BHLHE40: variants seen among roughly 807,000 people sequenced by gnomAD.
BHLHE40 encodes the protein basic helix-loop-helix family member e40.
In BHLHE40, 3 loss-of-function variants were observed where a neutral mutation model predicts 35.7. The ratio of observed to expected loss-of-function variants is 0.08; its 90% CI spans 0.04 to 0.22. The LOEUF is 0.22. BHLHE40 is among the 10% of genes least tolerant of loss of function. The pLI is 1.00. For synonymous variants in BHLHE40, 236 were observed against 213.0 expected (o/e 1.11, Z -0.94); for missense variants, 486 against 524.0 (o/e 0.93, Z 0.71).
At position 4,984,030 on chromosome 3, in the gene BHLHE40, G is replaced by A. The variant is rs755020662; in HGVS notation, c.*338G>A. 13 of 234,426 alleles carry A rather than the reference G, an allele frequency of 5.5e-5. No individual in the cohort carries two copies. Among genetic ancestry groups the A allele is most frequent in the Non-Finnish European group, 9.1e-5 (11 of 120,396 alleles). 14.5% of individuals were successfully genotyped at this position (234,426 alleles called of 1,614,324 possible). A position where few individuals can be genotyped will look rare whatever the true frequency, so the allele number is the denominator to read the frequency against. ...AGCCCCCTTCGATACACATCAGCTG[G>A]ATTTTCAAAAGCTTCAAAGTCTTGG... On this transcript the variant is annotated 3_prime_UTR_variant, in exon 5 of 5. Coordinates refer to ENST00000256495, the MANE Select transcript of BHLHE40 (RefSeq NM_003670.3).
Position 4,982,975 on chromosome 3 carries a change from C to T in BHLHE40, c.522C>T (p.His174=), listed in dbSNP as rs765940624. ...TGAAGTCTTCGCAGCTTGTCACCCA[C>T]CTCCACCGGGTGGTCTCGGAGCTGC... ...RDLKSSQLVT[H]LHRVVSELLQ... Residue 174 remains histidine (H), a synonymous_variant, in exon 5 of 5, where the codon CAC becomes CAT. Coordinates refer to ENST00000256495, the MANE Select transcript of BHLHE40 (RefSeq NM_003670.3). 1.2e-6 allele frequency: 2 copies of T among 1,613,284 alleles called. No individual in the cohort carries two copies. Among genetic ancestry groups the T allele is most frequent in the East Asian group, 2.2e-5 (1 of 44,864 alleles).
chr3:4,983,626 C>G lies in BHLHE40; in HGVS notation c.1173C>G (p.Val391=). 1.2e-6 allele frequency: 2 copies of G among 1,614,156 alleles called. No individual in the cohort carries two copies. The highest frequency in any genetic ancestry group is 1.7e-6 in the Non-Finnish European group (2 of 1,180,032). ...CTCCCTTGCCAGCTCATCCGTCCGTCGACTCTTCTGTCTTGCTCCAAGCTC... is the reference window on the plus strand; with the variant it reads ...CTCCCTTGCCAGCTCATCCGTCCGTGGACTCTTCTGTCTTGCTCCAAGCTC... The part of the protein sequence containing the change: ...LPSPLPAHPS[V]DSSVLLQALK... The change falls in exon 5 of 5, where the codon GTC becomes GTG. Residue 391 remains valine, a synonymous_variant. Coordinates refer to ENST00000256495, the MANE Select transcript of BHLHE40 (RefSeq NM_003670.3). This position sits in a 1 kb window ranked among gnomAD's most constrained non-coding sequence, Gnocchi z 5.0.
intron 1 of BHLHE40, 22 bp downstream of exon 1, chr3:4,979,820 C>T (rs781455472): frequency 2.5e-6 from 4 of 1,588,904 alleles, no homozygotes; most frequent in Admixed American, 1.8e-5. Flanking sequence ...CTCCTTGGCC[C>T]TTCAAGCCTC....
chr3:4,982,981 C>T lies in BHLHE40; in HGVS notation c.528C>T (p.His176=), dbSNP rs2106498024. The part of the protein sequence containing the change: ...LKSSQLVTHL[H]RVVSELLQGG... ...CTTCGCAGCTTGTCACCCACCTCCACCGGGTGGTCTCGGAGCTGCTGCAGG... is the reference window on the plus strand; with the variant it reads ...CTTCGCAGCTTGTCACCCACCTCCATCGGGTGGTCTCGGAGCTGCTGCAGG... Residue 176 remains histidine, a synonymous_variant, in exon 5 of 5, where the codon CAC becomes CAT. Transcript: ENST00000256495. 2 of 1,613,180 alleles carry T rather than the reference C, an allele frequency of 1.2e-6. No homozygotes were observed. The highest frequency in any genetic ancestry group is 4.5e-5 in the East Asian group (2 of 44,870).
intron 2 of BHLHE40, 116 bp downstream of exon 2, chr3:4,980,147 C>T: frequency 8.3e-7 from 1 of 1,201,760 alleles, no homozygotes; most frequent in Non-Finnish European, 1.2e-6. Context: ...GGCTCGGTGC[C>T]TCTTCTGAGT....
Position 4,979,630 on chromosome 3 carries a change from A to G in BHLHE40, c.-89A>G. The G allele has an allele frequency of 7.5e-7, 1 of 1,325,228 alleles. No homozygotes were observed. Among genetic ancestry groups the G allele is most frequent in the East Asian group, 2.5e-5 (1 of 39,662 alleles). The allele number at this position is 1,325,228 out of a possible 1,614,324, so 82.1% of individuals were successfully genotyped here. On this transcript the variant is annotated 5_prime_UTR_variant, in exon 1 of 5. Transcript: ENST00000256495. ...CAGACTCAGAGGAACATCTGCGGAG[A>G]GACCCCCGAAGCCCTCTCCAGGGCA...
intron 4 of BHLHE40, among the ~76,000 whole-genome samples, chr3:4,982,543 A>G (rs999777070): frequency 1.3e-5 from 2 of 152,164 alleles, no homozygotes; most frequent in South Asian, 2.1e-4. Context: ...ATACAATCCA[A>G]AAGAGGGGAA....
chr3:4,979,688 G>A lies in BHLHE40; in HGVS notation c.-31G>A. ...TCCAGACGCTCCGCTAGTGCAGACA[G>A]GAGCGCGCAGTGGCCCCGGCTCGCC... On this transcript the variant is annotated 5_prime_UTR_variant, in exon 1 of 5. Transcript: ENST00000256495. The A allele has an allele frequency of 2.6e-6, 4 of 1,549,834 alleles. No homozygotes were observed. Among genetic ancestry groups the A allele is most frequent in the Non-Finnish European group, 3.5e-6 (4 of 1,146,602 alleles).
intron 1 of BHLHE40, 35 bp downstream of exon 1, chr3:4,979,833 C>T: frequency 6.3e-7 from 1 of 1,592,968 alleles, no homozygotes; most frequent in Non-Finnish European, 8.6e-7. Context: ...CAAGCCTCAA[C>T]TGCAGCCCCA....
rs1457809283 is a variant in BHLHE40 at position 4,985,043 on chromosome 3, T to TC, written c.*1352dup. 6.6e-6 allele frequency: 1 copy of TC among 152,524 alleles called. No homozygotes were observed. 9.4% of individuals were successfully genotyped at this position (152,524 alleles called of 1,614,324 possible). A position where few individuals can be genotyped will look rare whatever the true frequency, so the allele number is the denominator to read the frequency against. On this transcript the variant is annotated 3_prime_UTR_variant, in exon 5 of 5. Transcript: ENST00000256495. ...TTGAAGAGAAGAATAATTTTTTTTT[T>TC]CTCTAGGGAGAGGTACAGTGTTTAT...
In BHLHE40 at chr3:4,979,644, C is replaced by T. The variant is rs1408348747; in HGVS notation, c.-75C>T. On this transcript the variant is annotated 5_prime_UTR_variant, in exon 1 of 5. Coordinates refer to ENST00000256495, the MANE Select transcript of BHLHE40 (RefSeq NM_003670.3). Reference sequence around the variant, plus strand: ...CATCTGCGGAGAGACCCCCGAAGCCCTCTCCAGGGCAGTCCTCATCCAGAC... The same window carrying T: ...CATCTGCGGAGAGACCCCCGAAGCCTTCTCCAGGGCAGTCCTCATCCAGAC... 4.7e-6 allele frequency: 7 copies of T among 1,481,418 alleles called. No homozygotes were observed. Among genetic ancestry groups the T allele is most frequent in the Non-Finnish European group, 6.4e-6 (7 of 1,090,628 alleles). The allele number at this position is 1,481,418 out of a possible 1,614,324, so 91.8% of individuals were successfully genotyped here.
Position 4,983,040 on chromosome 3 carries a change from C to A in BHLHE40, c.587C>A (p.Pro196His). The part of the protein sequence containing the change: ...GTSRKPSDPA[P>H]KVMDFKEKPS... ...TCCAGGAAGCCATCAGACCCAGCTCCCAAAGTGATGGACTTCAAGGAAAAA... is the reference window on the plus strand; with the variant it reads ...TCCAGGAAGCCATCAGACCCAGCTCACAAAGTGATGGACTTCAAGGAAAAA... The change falls in exon 5 of 5, where the codon CCC becomes CAC. Residue 196 changes from proline to histidine, a missense_variant. By Grantham distance (77) the Pro-to-His change is moderately conservative. Transcript: ENST00000256495. This position sits in a 1 kb window ranked among gnomAD's most constrained non-coding sequence, Gnocchi z 5.0. The A allele has an allele frequency of 6.2e-7, 1 of 1,614,112 alleles. No individual in the cohort carries two copies. The highest frequency in any genetic ancestry group is 8.5e-7 in the Non-Finnish European group (1 of 1,180,004).
chr3:4,980,234 G>C, intron 2 of BHLHE40, 67 bp from the exon 3 acceptor site: 2 of 1,397,862 alleles, frequency 1.4e-6, no homozygotes, highest in Non-Finnish European at 2.0e-6. Context: ...CTGTTGCTGC[G>C]GGGCTGGGAG....
intron 2 of BHLHE40, 86 bp downstream of exon 2, chr3:4,980,117 G>A: frequency 7.0e-7 from 1 of 1,438,152 alleles, no homozygotes; most frequent in South Asian, 1.2e-5. Flanking sequence ...TTTGAGGTTG[G>A]CGAGGGGATG....
Position 4,979,642 on chromosome 3 carries a change from C to A in BHLHE40, c.-77C>A. 1 of 1,440,322 alleles carries A rather than the reference C, an allele frequency of 6.9e-7. No homozygotes were observed. Among genetic ancestry groups the A allele is most frequent in the Non-Finnish European group, 9.5e-7 (1 of 1,053,618 alleles). The allele number at this position is 1,440,322 out of a possible 1,614,324, so 89.2% of individuals were successfully genotyped here. ...AACATCTGCGGAGAGACCCCCGAAGCCCTCTCCAGGGCAGTCCTCATCCAG... is the reference window on the plus strand; with the variant it reads ...AACATCTGCGGAGAGACCCCCGAAGACCTCTCCAGGGCAGTCCTCATCCAG... On this transcript the variant is annotated 5_prime_UTR_variant, in exon 1 of 5. Coordinates refer to ENST00000256495, the MANE Select transcript of BHLHE40 (RefSeq NM_003670.3).
At position 4,983,535 on chromosome 3, in the gene BHLHE40, C is replaced by T; in HGVS notation, c.1082C>T (p.Ala361Val). 6.2e-7 allele frequency: 1 copy of T among 1,614,216 alleles called. No homozygotes were observed. The highest frequency in any genetic ancestry group is 8.5e-7 in the Non-Finnish European group (1 of 1,180,044). Reference sequence around the variant, plus strand: ...CCAGGCCTCAACGCCTCTGCCGCAGCCCTCTCTAGCTTCATGAACCCAGAC... The same window carrying T: ...CCAGGCCTCAACGCCTCTGCCGCAGTCCTCTCTAGCTTCATGAACCCAGAC... The part of the protein sequence containing the change: ...LYPGLNASAA[A>V]LSSFMNPDKI... Residue 361 changes from alanine (A) to valine (V), a missense_variant, in exon 5 of 5, where the codon GCC becomes GTC. Around this residue, in one of 5 missense-constraint regions of BHLHE40, gnomAD observed 206 missense variants for 208.9 expected, o/e 0.99. Coordinates refer to ENST00000256495, the MANE Select transcript of BHLHE40 (RefSeq NM_003670.3). The surrounding 1 kb of genome is among the most constrained non-coding windows in gnomAD (Gnocchi z 5.0).
At position 4,983,993 on chromosome 3, in the gene BHLHE40, C is replaced by T; in HGVS notation, c.*301C>T. Reference sequence around the variant, plus strand: ...TGTAGCAGACGTCTGGGCTTTTCCCCACCCAGAGAATAGCCCCCTTCGATA... The same window carrying T: ...TGTAGCAGACGTCTGGGCTTTTCCCTACCCAGAGAATAGCCCCCTTCGATA... On this transcript the variant is annotated 3_prime_UTR_variant, in exon 5 of 5. Coordinates refer to ENST00000256495, the MANE Select transcript of BHLHE40 (RefSeq NM_003670.3). This position sits in a 1 kb window ranked among gnomAD's most constrained non-coding sequence, Gnocchi z 5.0. The T allele has an allele frequency of 2.8e-6, 1 of 362,132 alleles. No homozygotes were observed. 22.4% of individuals were successfully genotyped at this position (362,132 alleles called of 1,614,324 possible).
Position 4,980,325 on chromosome 3 carries a change from CTCATCGAGA to C in BHLHE40, c.176_184del (p.Leu59_Lys62delinsGln). 1 of 1,614,156 alleles carries C rather than the reference CTCATCGAGA, an allele frequency of 6.2e-7. No individual in the cohort carries two copies. Among genetic ancestry groups the C allele is most frequent in the Non-Finnish European group, 8.5e-7 (1 of 1,180,002 alleles). The stretch of plus-strand genomic sequence containing the variant: ...GGAGACCTACAAATTGCCGCACCGG[CTCATCGAGA>C]AAAAGAGACGTGACCGGATTAACGA... On this transcript the variant is annotated inframe_deletion, in exon 3 of 5. Transcript: ENST00000256495.
At position 4,983,648 on chromosome 3, in the gene BHLHE40, G is replaced by T; in HGVS notation, c.1195G>T (p.Ala399Ser). 1.2e-6 allele frequency: 2 copies of T among 1,613,730 alleles called. No individual in the cohort carries two copies. The highest frequency in any genetic ancestry group is 1.7e-6 in the Non-Finnish European group (2 of 1,179,802). ...PSVDSSVLLQ[A>S]LKPIPPLNLE... ...CGTCGACTCTTCTGTCTTGCTCCAA[G>T]CTCTGAAGCCAATCCCCCCTTTAAA... Residue 399 changes from alanine to serine, a missense_variant, in exon 5 of 5, where the codon GCT becomes TCT. Transcript: ENST00000256495. The surrounding 1 kb of genome is among the most constrained non-coding windows in gnomAD (Gnocchi z 5.0).
Sources: allele counts gnomAD v4.1 joint callset (sites outside exome capture counted in the v4.1 genomes callset), GRCh38; gene constraint gnomAD v4.1.1; regional missense constraint gnomAD v4.1.1; non-coding constraint Gnocchi (gnomAD v3.1); transcripts MANE v1.5; gene names NCBI Gene and HGNC (gene_info 2026-07-23, HGNC 2026-07-21).